CASP9: variants seen among roughly 807,000 people sequenced by gnomAD.
CASP9 encodes the protein caspase 9.
A neutral mutation model predicts 43.5 loss-of-function variants in CASP9; 29 were observed. The ratio of observed to expected loss-of-function variants is 0.67; its 90% CI spans 0.50 to 0.91. CASP9 has a LOEUF of 0.91. CASP9 is among the 40% of genes least tolerant of loss of function. The pLI, the probability that CASP9 is intolerant of heterozygous loss-of-function variation, is 0.00. For synonymous variants in CASP9, 206 were observed against 211.9 expected (o/e 0.97, Z 0.24); for missense variants, 575 against 537.4 (o/e 1.07, Z -0.69).
chr1:15,493,833 G>A lies in CASP9; in HGVS notation c.1158+59C>T, dbSNP rs751104890. 3.7e-5 allele frequency: 58 copies of A among 1,548,874 alleles called. 2 individuals are homozygous for A. The South Asian group carries it at 5.4e-4, about 15-fold the overall frequency. Reference sequence around the variant, plus strand: ...GCTCACCCCAAATCCCCAGCCCCAGGAGGACACGCTGCCCCTCAGCAGCCT... The same window carrying A: ...GCTCACCCCAAATCCCCAGCCCCAGAAGGACACGCTGCCCCTCAGCAGCCT... On this transcript the variant is annotated intron_variant, in intron 8 of 8. Coordinates refer to ENST00000333868, the MANE Select transcript of CASP9 (RefSeq NM_001229.5).
chr1:15,501,511 G>C (rs1387425180), intron 6 of CASP9, among the ~76,000 whole-genome samples: 3 of 152,152 alleles, frequency 2.0e-5, no homozygotes, highest in African/African-American at 7.2e-5. Context: ...GTGTTCTGAT[G>C]CATGTAAACA....
At chr1:15,503,646 G>A (rs1366388946) in intron 6 of CASP9, among the ~76,000 whole-genome samples, 1 of 152,226 alleles carries the variant, frequency 6.6e-6, no homozygotes, top group Non-Finnish European at 1.5e-5. Context: ...CTCCACCAAC[G>A]TGGAATAGGG....
intron 2 of CASP9, among the ~76,000 whole-genome samples, chr1:15,510,827 G>C (rs1048915448): frequency 2.0e-5 from 3 of 152,148 alleles, no homozygotes; most frequent in African/African-American, 7.2e-5. Flanking sequence ...ACATGGCTAA[G>C]TGTGTGCAAA....
At position 15,524,058 on chromosome 1, in the gene CASP9, C is replaced by CGGAGGCG. The variant is rs1710331446; in HGVS notation, c.132+10_132+11insCGCCTCC. On this transcript the variant is annotated intron_variant, in intron 1 of 8. Coordinates refer to ENST00000333868, the MANE Select transcript of CASP9 (RefSeq NM_001229.5). The stretch of plus-strand genomic sequence containing the variant: ...GCCGTGCAGCGCGGGGACAGGGGGC[C>CGGAGGCG]GGGGGCGCACCTGGATGTCCTCGAT... 2 of 1,481,824 alleles carry CGGAGGCG rather than the reference C, an allele frequency of 1.3e-6. No individual in the cohort carries two copies. The highest frequency in any genetic ancestry group is 1.8e-6 in the Non-Finnish European group (2 of 1,116,160). The allele number at this position is 1,481,824 out of a possible 1,614,324, so 91.8% of individuals were successfully genotyped here.
chr1:15,508,050 G>T, intron 2 of CASP9, 143 bp from the exon 3 acceptor site: 1 of 747,984 alleles, frequency 1.3e-6, no homozygotes, highest in Non-Finnish European at 2.3e-6. Context: ...CCACCTTGGA[G>T]ATCTGTTTAG....
At chr1:15,504,551 A>G (rs1709444580) in intron 6 of CASP9, 60 bp downstream of exon 6, 7 of 1,529,714 alleles carry the variant, frequency 4.6e-6, no homozygotes, top group Non-Finnish European at 5.3e-6. Context: ...TGGAGAAAGA[A>G]GCAGGTGGCG....
Position 15,506,901 on chromosome 1 carries a change from T to C in CASP9, c.628A>G (p.Lys210Glu). Reference protein sequence around the residue: ...MVEVKGDLTAKKMVLALLELA... With the variant: ...MVEVKGDLTAEKMVLALLELA... ...CCCTCCACAGATAGTGAGTGTACCT[T>C]GGCAGTCAGGTCGCCCTTCACCTCC... The change falls in exon 4 of 9, where the codon AAG becomes GAG. Residue 210 changes from lysine (K) to glutamate (E), a missense_variant and splice_region_variant. Coordinates refer to ENST00000333868, the MANE Select transcript of CASP9 (RefSeq NM_001229.5). 1.9e-6 allele frequency: 3 copies of C among 1,612,824 alleles called. No individual in the cohort carries two copies. In the South Asian group the frequency reaches 3.3e-5, roughly 18 times the overall value.
chr1:15,504,877 G>A, intron 5 of CASP9, 119 bp from the exon 6 acceptor site: 1 of 928,470 alleles, frequency 1.1e-6, no homozygotes, highest in Non-Finnish European at 1.6e-6. Context: ...GCACGAGGCT[G>A]ATTGAGACAG....
rs748893230 is a variant in CASP9 at position 15,506,028 on chromosome 1, C to A, written c.682G>T (p.Asp228Tyr). 10 of 1,614,168 alleles carry A rather than the reference C, an allele frequency of 6.2e-6. No individual in the cohort carries two copies. The East Asian group carries it at 2.2e-4, about 36-fold the overall frequency. Residue 228 changes from aspartate (D) to tyrosine (Y), a missense_variant, in exon 5 of 9, where the codon GAC becomes TAC. Physicochemically the swap from Asp to Tyr is radical, Grantham distance 160 (BLOSUM62 -3). Coordinates refer to ENST00000333868, the MANE Select transcript of CASP9 (RefSeq NM_001229.5). ...ELAQQDHGAL[D>Y]CCVVVILSHG... Reference sequence around the variant, plus strand: ...GAGAGAATGACCACCACGCAGCAGTCCAGAGCACCGTGGTCCTGCTGCGCC... The same window carrying A: ...GAGAGAATGACCACCACGCAGCAGTACAGAGCACCGTGGTCCTGCTGCGCC...
At chr1:15,512,436 G>A (rs1044270245) in intron 2 of CASP9, among the ~76,000 whole-genome samples, 3 of 152,160 alleles carry the variant, frequency 2.0e-5, no homozygotes, top group Non-Finnish European at 4.4e-5. Flanking sequence ...GTGGAGAATG[G>A]GAGAATTTGA....
At chr1:15,493,499 G>A in intron 8 of CASP9, 1 of 1,328,278 alleles carries the variant, frequency 7.5e-7, no homozygotes, top group Non-Finnish European at 9.6e-7. Flanking sequence ...TACAAGGAGG[G>A]GTTCACAATT....
At chr1:15,508,999 T>C (rs1709633920) in intron 2 of CASP9, among the ~76,000 whole-genome samples, 1 of 152,218 alleles carries the variant, frequency 6.6e-6, no homozygotes, top group Admixed American at 6.5e-5. Flanking sequence ...ATGGCACACC[T>C]AGCCCTAACC....
rs33999574 is a variant in CASP9, at chr1:15,517,264, T to C, written c.418+846A>G. Among the ~76,000 whole-genome samples, 71 of 152,220 alleles carry C rather than the reference T, an allele frequency of 4.7e-4. 1 individual carries two copies. The South Asian group carries it at 4.8e-3, about 10-fold the overall frequency. ...AATTAAAAAGAATGAACTACCGATA[T>C]GTACAACAATATGAATGAATTTCAA... On this transcript the variant is annotated intron_variant, in intron 2 of 8. Transcript: ENST00000333868.
chr1:15,507,194 C>A (rs1315632675), intron 3 of CASP9, 119 bp from the exon 4 acceptor site: 2 of 1,156,174 alleles, frequency 1.7e-6, no homozygotes, highest in Non-Finnish European at 2.5e-6. Context: ...AGGGTCTCCA[C>A]CCGGCATTCC....
Position 15,495,377 on chromosome 1 carries a change from T to C in CASP9, c.944A>G (p.Asp315Gly), listed in dbSNP as rs956517425. The C allele has an allele frequency of 5.0e-6, 8 of 1,608,902 alleles. No individual in the cohort carries two copies. The African/African-American group carries it at 9.4e-5, about 19-fold the overall frequency. ...DESPGSNPEP[D>G]ATPFQEGLRT... is the part of the protein sequence containing the mutation. ...CAAACCTTCCTGGAACGGGGTGGCA[T>C]CTGGCTCGGGGTTACTGCCAGGGGA... The change falls in exon 7 of 9, where the codon GAT (aspartate) becomes GGT (glycine). Residue 315 changes from aspartate to glycine, a missense_variant. Transcript: ENST00000333868.
chr1:15,524,276 C>T, upstream of CASP9: 1 of 1,492,902 alleles, frequency 6.7e-7, no homozygotes, highest in Non-Finnish European at 8.8e-7. Flanking sequence ...GTCCCCAGGA[C>T]CCGCCCCCGC....
intron 2 of CASP9, among the ~76,000 whole-genome samples, chr1:15,513,436 G>A (rs754250391): frequency 6.6e-6 from 1 of 152,088 alleles, no homozygotes; most frequent in Non-Finnish European, 1.5e-5. Flanking sequence ...AAGGCATCAC[G>A]TCTGAAACTA....
In CASP9 at chr1:15,495,416, G is replaced by T. The variant is rs1709070074; in HGVS notation, c.905C>A (p.Ser302Tyr). 4 of 1,605,194 alleles carry T rather than the reference G, an allele frequency of 2.5e-6. No homozygotes were observed. Among genetic ancestry groups the T allele is most frequent in the Non-Finnish European group, 3.4e-6 (4 of 1,175,832 alleles). ...ACTGCCAGGGGACTCGTCTTCAGGG[G>T]AAGTGGAGGCCACCTCAAACCCATG... ...KDHGFEVAST[S>Y]PEDESPGSNP... The change falls in exon 7 of 9, where the codon TCC becomes TAC. Residue 302 changes from serine (S) to tyrosine (Y), a missense_variant. By Grantham distance (144) the Ser-to-Tyr change is moderately radical (BLOSUM62 -2). Transcript: ENST00000333868.
At chr1:15,524,461 G>C (rs12060237), upstream of CASP9, 526,135 of 1,012,112 alleles carry the variant, frequency 0.52, 137,920 homozygotes, top group African/African-American at 0.68. Context: ...CCATCACCGC[G>C]CCGCCCCAGA....
Sources: gnomAD v4.1 joint callset for allele counts (sites outside exome capture counted in the v4.1 genomes callset) on GRCh38, gnomAD v4.1.1 for gene constraint, MANE v1.5 for transcripts, NCBI Gene and HGNC (gene_info 2026-07-23, HGNC 2026-07-21) for gene names.